CCSER1: variants seen among roughly 807,000 people sequenced by gnomAD.
The protein encoded by CCSER1 is coiled-coil serine rich protein 1.
Under a neutral mutation model 82.0 loss-of-function variants are expected in CCSER1, and 41 were observed. The ratio of observed to expected loss-of-function variants is 0.50; its 90% CI spans 0.39 to 0.65. The LOEUF (loss-of-function observed/expected upper bound fraction) is 0.65. Ranked by LOEUF, CCSER1 falls within the 30% of genes least tolerant of loss-of-function variation. The pLI, the probability that CCSER1 is intolerant of heterozygous loss-of-function variation, is 0.00. For synonymous variants in CCSER1, 414 were observed against 383.9 expected (o/e 1.08, Z -0.92); for missense variants, 1,119 against 1,064.2 (o/e 1.05, Z -0.72).
chr4:91,418,954 A>G (rs1271585152), intron 10 of CCSER1, among the ~76,000 whole-genome samples: 3 of 152,086 alleles, frequency 2.0e-5, no homozygotes, highest in Non-Finnish European at 4.4e-5. Flanking sequence ...ACAAATCAAT[A>G]AGTGTAATAT....
chr4:91,299,896 C>T (rs1744533612), intron 10 of CCSER1, among the ~76,000 whole-genome samples: 3 of 151,286 alleles, frequency 2.0e-5, no homozygotes, highest in South Asian at 2.1e-4. Context: ...TTTAAATGAA[C>T]GACTTGCTAC....
chr4:91,166,656 T>C (rs952435957), intron 10 of CCSER1, among the ~76,000 whole-genome samples: 6 of 152,224 alleles, frequency 3.9e-5, no homozygotes, highest in African/African-American at 9.6e-5. Context: ...TTCCTCTCTT[T>C]ATTTTGTGGC....
chr4:90,384,980 C>T (rs1040829648), intron 3 of CCSER1, among the ~76,000 whole-genome samples: 2 of 152,130 alleles, frequency 1.3e-5, no homozygotes, highest in East Asian at 1.9e-4. Flanking sequence ...TGAGAATATG[C>T]TGTATTTGGT....
chr4:91,020,624 T>C (rs1343771077), intron 9 of CCSER1, among the ~76,000 whole-genome samples: 1 of 151,590 alleles, frequency 6.6e-6, no homozygotes, highest in African/African-American at 2.4e-5. Context: ...ATCGCGCCAC[T>C]GCACTCCAGC....
At chr4:91,475,057 C>T (rs925629984) in intron 10 of CCSER1, among the ~76,000 whole-genome samples, 1 of 151,638 alleles carries the variant, frequency 6.6e-6, no homozygotes, top group African/African-American at 2.4e-5. Flanking sequence ...GAGACAGTCT[C>T]ATATAAGAAA....
At chr4:90,150,386 G>T (rs1196468935) in intron 1 of CCSER1, among the ~76,000 whole-genome samples, 2 of 152,050 alleles carry the variant, frequency 1.3e-5, no homozygotes, top group African/African-American at 4.8e-5. Flanking sequence ...AAAAAGTGGG[G>T]TTTCACACAT....
At chr4:91,276,227 G>C (rs1461212446) in intron 10 of CCSER1, among the ~76,000 whole-genome samples, 1 of 147,826 alleles carries the variant, frequency 6.8e-6, no homozygotes, top group Non-Finnish European at 1.5e-5. Flanking sequence ...GGATTGCACT[G>C]AATTTGTAGA....
chr4:90,821,925 T>G (rs1238423197), intron 8 of CCSER1, among the ~76,000 whole-genome samples: 1 of 152,150 alleles, frequency 6.6e-6, no homozygotes, highest in Non-Finnish European at 1.5e-5. Context: ...AGTGTAGTCT[T>G]GTGTTTTGGG....
intron 9 of CCSER1, among the ~76,000 whole-genome samples, chr4:90,996,870 A>G (rs72665490): frequency 0.09 from 13,716 of 152,150 alleles, 757 homozygotes; most frequent in Admixed American, 0.17. Context: ...AACATGGTGT[A>G]TTTATACCAT....
At chr4:91,104,686 G>A (rs911742212) in intron 10 of CCSER1, among the ~76,000 whole-genome samples, 3 of 152,164 alleles carry the variant, frequency 2.0e-5, no homozygotes, top group African/African-American at 7.2e-5. Context: ...ATTTTTCACA[G>A]TTCTGGAGGC....
chr4:91,164,724 G>C lies in CCSER1; in HGVS notation c.2217+78730G>C, dbSNP rs150916107. Among the ~76,000 whole-genome samples, 926 of 151,820 alleles carry C rather than the reference G, an allele frequency of 6.1e-3. 6 individuals carry two copies. Among genetic ancestry groups the C allele is most frequent in the African/African-American group, 0.021 (871 of 41,370 alleles). ...CCCTTTCTTCCACTTGATTGAATTGGCTTTTGAAGGTTGTGCATGCATCAT... is the reference window on the plus strand; with the variant it reads ...CCCTTTCTTCCACTTGATTGAATTGCCTTTTGAAGGTTGTGCATGCATCAT... On this transcript the variant is annotated intron_variant, in intron 10 of 10. Coordinates refer to ENST00000509176, the MANE Select transcript of CCSER1 (RefSeq NM_001145065.2).
chr4:91,503,176 A>C (rs1047355282), intron 10 of CCSER1, among the ~76,000 whole-genome samples: 16 of 151,912 alleles, frequency 1.1e-4, no homozygotes, highest in Non-Finnish European at 7.4e-5. Context: ...CCCCGTCTCT[A>C]TTAAAAATAG....
chr4:90,484,625 A>G (rs1011139779), intron 5 of CCSER1, among the ~76,000 whole-genome samples: 2 of 152,152 alleles, frequency 1.3e-5, no homozygotes, highest in South Asian at 4.2e-4. Flanking sequence ...GTTGGAGTTT[A>G]CTGGAGGTCC....
intron 7 of CCSER1, among the ~76,000 whole-genome samples, chr4:90,796,387 G>C (rs7681509): frequency 0.35 from 49,932 of 143,060 alleles, 9,031 homozygotes; most frequent in African/African-American, 0.46. Flanking sequence ...CTTCATTAGT[G>C]TAGCTAGTGG....
intron 10 of CCSER1, among the ~76,000 whole-genome samples, chr4:91,115,814 T>C (rs1409324259): frequency 1.4e-4 from 14 of 97,966 alleles, no homozygotes; most frequent in Non-Finnish European, 1.1e-4. Flanking sequence ...TTCTTTTTTT[T>C]TTTTTTTTTT....
intron 10 of CCSER1, among the ~76,000 whole-genome samples, chr4:91,420,228 C>G (rs907693506): frequency 1.3e-5 from 2 of 151,972 alleles, no homozygotes; most frequent in African/African-American, 2.4e-5. Flanking sequence ...AAAGCTTCAG[C>G]ACAGCAAAGG....
chr4:91,375,466 A>G (rs1750343934), intron 10 of CCSER1, among the ~76,000 whole-genome samples: 1 of 152,048 alleles, frequency 6.6e-6, no homozygotes, highest in East Asian at 1.9e-4. Flanking sequence ...CACACTACAG[A>G]GAAATTTTTC....
intron 1 of CCSER1, among the ~76,000 whole-genome samples, chr4:90,251,860 T>C (rs898571612): frequency 6.6e-6 from 1 of 151,882 alleles, no homozygotes; most frequent in African/African-American, 2.4e-5. Context: ...TCAAAAATAA[T>C]TTGAGTCTTT....
chr4:90,867,353 T>G (rs1018542370), intron 8 of CCSER1, among the ~76,000 whole-genome samples: 2 of 152,116 alleles, frequency 1.3e-5, no homozygotes, highest in African/African-American at 4.8e-5. Context: ...TTTATAAATA[T>G]TTAACCGCAT....
Sources: gnomAD v4.1 joint callset for allele counts (sites outside exome capture counted in the v4.1 genomes callset) on GRCh38, gnomAD v4.1.1 for gene constraint, MANE v1.5 for transcripts, NCBI Gene and HGNC (gene_info 2026-07-23, HGNC 2026-07-21) for gene names.